The following CNBD1 variants were observed in gnomAD, a reference collection of about 807,000 sequenced individuals.
The protein encoded by CNBD1 is cyclic nucleotide binding domain containing 1.
In CNBD1, 71 loss-of-function variants were observed where a neutral mutation model predicts 54.4. That is an observed-to-expected ratio of 1.30 (90% CI 1.08 to 1.59). The LOEUF (loss-of-function observed/expected upper bound fraction) is 1.59, where lower values mean the gene tolerates loss of function less well. Ranked by LOEUF, CNBD1 falls within the 40% of genes most tolerant of loss-of-function variation. The probability of loss-of-function intolerance (pLI) is 0.00; values close to 1 mark genes in which losing one functional copy is unlikely to be tolerated. For synonymous variants in CNBD1, 182 were observed against 170.7 expected, an observed-to-expected ratio of 1.07 and a Z score of -0.51; for missense variants, 659 against 518.0, an observed-to-expected ratio of 1.27 and a Z score of -2.64.
At chr8:87,272,791 C>A (rs1402660967) in intron 6 of CNBD1, among the ~76,000 whole-genome samples, 1 of 151,896 alleles carries the variant, frequency 6.6e-6, no homozygotes. Context: ...TTTAAATGTA[C>A]ACTCCATTAA....
At chr8:87,072,136 G>A (rs578244574) in intron 4 of CNBD1, among the ~76,000 whole-genome samples, 13 of 151,792 alleles carry the variant, frequency 8.6e-5, no homozygotes, top group Non-Finnish European at 1.3e-4. Flanking sequence ...TTGCAACCCC[G>A]GCTTTTTTGT....
chr8:87,027,116 A>G (rs541001992), intron 4 of CNBD1, among the ~76,000 whole-genome samples: 18 of 152,302 alleles, frequency 1.2e-4, no homozygotes, highest in Admixed American at 1.0e-3. Flanking sequence ...TAAACGCAAT[A>G]TATAACATAA....
At chr8:87,278,891 C>G (rs930492610) in intron 6 of CNBD1, among the ~76,000 whole-genome samples, 1 of 151,322 alleles carries the variant, frequency 6.6e-6, no homozygotes, top group Non-Finnish European at 1.5e-5. Flanking sequence ...CAATCCTTGC[C>G]TTTCTGAGAA....
intron 3 of CNBD1, among the ~76,000 whole-genome samples, chr8:86,935,492 T>A (rs997458076): frequency 6.6e-6 from 1 of 152,208 alleles, no homozygotes; most frequent in Non-Finnish European, 1.5e-5. Context: ...TGTAGTTTTG[T>A]AAGTATTTGT....
At chr8:87,290,791 A>G (rs999131921) in intron 8 of CNBD1, among the ~76,000 whole-genome samples, 1 of 152,096 alleles carries the variant, frequency 6.6e-6, no homozygotes, top group African/African-American at 2.4e-5. Context: ...ATGCAATCCC[A>G]CTTTCTTCTG....
At chr8:87,156,002 G>T (rs1029494565) in intron 4 of CNBD1, among the ~76,000 whole-genome samples, 1 of 151,796 alleles carries the variant, frequency 6.6e-6, no homozygotes, top group Non-Finnish European at 1.5e-5. Flanking sequence ...GAAAACAGAC[G>T]GACTAGAAAT....
chr8:87,228,986 G>C (rs981469579), intron 5 of CNBD1, among the ~76,000 whole-genome samples: 1 of 152,198 alleles, frequency 6.6e-6, no homozygotes, highest in Non-Finnish European at 1.5e-5. Flanking sequence ...GTATTCGGGT[G>C]GGAGTGACCC....
At chr8:86,969,328 A>G (rs1404538997) in intron 4 of CNBD1, among the ~76,000 whole-genome samples, 2 of 152,162 alleles carry the variant, frequency 1.3e-5, no homozygotes, top group Non-Finnish European at 2.9e-5. Context: ...ATTTTGATTG[A>G]AGAGATGAAA....
At chr8:87,173,658 T>A (rs1029787587) in intron 4 of CNBD1, among the ~76,000 whole-genome samples, 1 of 111,118 alleles carries the variant, frequency 9.0e-6, no homozygotes. Flanking sequence ...AGCTCCATTA[T>A]ATGTTATTTT....
intron 2 of CNBD1, among the ~76,000 whole-genome samples, chr8:87,424,037 C>T (rs1050365557): frequency 6.6e-6 from 1 of 152,186 alleles, no homozygotes; most frequent in Non-Finnish European, 1.5e-5. Flanking sequence ...TTATCCATTT[C>T]TTCTAGATTT....
intron 4 of CNBD1, among the ~76,000 whole-genome samples, chr8:86,962,308 T>C (rs765894471): frequency 6.6e-6 from 1 of 152,204 alleles, no homozygotes; most frequent in Non-Finnish European, 1.5e-5. Flanking sequence ...AATATACCTA[T>C]AGCTTTGATA....
At chr8:86,868,778 C>A (rs1293944530) in intron 1 of CNBD1, among the ~76,000 whole-genome samples, 2 of 152,044 alleles carry the variant, frequency 1.3e-5, no homozygotes, top group Non-Finnish European at 2.9e-5. Flanking sequence ...GATATCCATG[C>A]CTTAATTCAC....
At chr8:87,226,899 A>G (rs1181680735) in intron 5 of CNBD1, among the ~76,000 whole-genome samples, 1 of 151,560 alleles carries the variant, frequency 6.6e-6, no homozygotes, top group African/African-American at 2.4e-5. Flanking sequence ...GTCACTCAGA[A>G]CTTGCTTTAT....
At chr8:86,917,377 C>A (rs934932660) in intron 3 of CNBD1, among the ~76,000 whole-genome samples, 1 of 152,074 alleles carries the variant, frequency 6.6e-6, no homozygotes, top group Non-Finnish European at 1.5e-5. Context: ...TACAGGAAGA[C>A]CTAAATTGGG....
intron 4 of CNBD1, among the ~76,000 whole-genome samples, chr8:87,142,551 T>G (rs1170317916): frequency 6.6e-6 from 1 of 152,112 alleles, no homozygotes; most frequent in Non-Finnish European, 1.5e-5. Flanking sequence ...ATGAGAATGT[T>G]TAGAAATAAA....
intron 4 of CNBD1, among the ~76,000 whole-genome samples, chr8:87,183,117 T>C (rs554248161): frequency 6.6e-6 from 1 of 152,274 alleles, no homozygotes; most frequent in African/African-American, 2.4e-5. Context: ...CTAACTTACA[T>C]GGCTAGACAG....
At chr8:87,255,940 T>C (rs1391912392) in intron 6 of CNBD1, among the ~76,000 whole-genome samples, 1 of 132,470 alleles carries the variant, frequency 7.5e-6, no homozygotes, top group East Asian at 2.4e-4. Flanking sequence ...TTCATATATA[T>C]ATATAAAATA....
intron 2 of CNBD1, among the ~76,000 whole-genome samples, chr8:87,394,502 C>A (rs933421056): frequency 3.3e-5 from 5 of 151,912 alleles, no homozygotes; most frequent in Non-Finnish European, 7.4e-5. Context: ...ACACCACACA[C>A]AACCCTGCCC....
chr8:87,339,250 A>G (rs970841741), intron 8 of CNBD1, among the ~76,000 whole-genome samples: 1 of 152,220 alleles, frequency 6.6e-6, no homozygotes, highest in African/African-American at 2.4e-5. Context: ...CTAAAACTCC[A>G]GGATGTAAAA....
Sources: allele counts gnomAD v4.1 joint callset (sites outside exome capture counted in the v4.1 genomes callset), GRCh38; gene constraint gnomAD v4.1.1; transcripts MANE v1.5; gene names NCBI Gene and HGNC (gene_info 2026-07-23, HGNC 2026-07-21).